The following MAF variants were observed in gnomAD, a reference collection of about 807,000 sequenced individuals.
MAF encodes the protein transcription factor Maf.
Under a neutral mutation model 22.0 loss-of-function variants are expected in MAF, and 10 were observed. The ratio of observed to expected loss-of-function variants is 0.45; its 90% CI spans 0.28 to 0.77. The LOEUF is 0.77. MAF is among the 30% of genes least tolerant of loss of function. MAF has a pLI of 0.12. For missense variants in MAF, 544 were observed against 548.4 expected (o/e 0.99, Z 0.08); for synonymous variants, 337 against 255.8 (o/e 1.32, Z -3.03).
chr16:79,477,546 C>T, the MAF span, among the ~76,000 whole-genome samples: 1 of 152,196 alleles, frequency 6.6e-6, no homozygotes, highest in African/African-American at 2.4e-5. Context: ...TACCACATGA[C>T]AAGCATGGTC....
At chr16:79,390,842 T>G in the MAF span, among the ~76,000 whole-genome samples, 47 of 152,210 alleles carry the variant, frequency 3.1e-4, no homozygotes, top group Admixed American at 7.2e-4. Context: ...GTGGGGTCTT[T>G]TCTGCTAGGA....
the MAF span, among the ~76,000 whole-genome samples, chr16:79,229,756 T>A: frequency 6.6e-6 from 1 of 151,996 alleles, no homozygotes; most frequent in Non-Finnish European, 1.5e-5. Flanking sequence ...ACTTTGTACC[T>A]CCGGGATTCC....
At chr16:79,397,918 A>G in the MAF span, among the ~76,000 whole-genome samples, 2 of 152,228 alleles carry the variant, frequency 1.3e-5, no homozygotes, top group Admixed American at 6.5e-5. Flanking sequence ...AGAAAGATGT[A>G]TCATTTTTCT....
chr16:79,255,728 C>T, the MAF span, among the ~76,000 whole-genome samples: 4 of 152,100 alleles, frequency 2.6e-5, no homozygotes, highest in Non-Finnish European at 2.9e-5. Flanking sequence ...CAGAGGTGGA[C>T]GCTCAGCTCA....
the MAF span, among the ~76,000 whole-genome samples, chr16:79,460,181 A>G: frequency 1.3e-5 from 2 of 152,150 alleles, no homozygotes; most frequent in East Asian, 1.9e-4. Flanking sequence ...TTTTGTTTAT[A>G]TGCCTTTTAC....
chr16:79,430,315 G>GGCT, the MAF span, among the ~76,000 whole-genome samples: 5 of 152,252 alleles, frequency 3.3e-5, no homozygotes, highest in East Asian at 9.6e-4. Flanking sequence ...CTCAGGGCAG[G>GGCT]GCTGCGTCTG....
the MAF span, among the ~76,000 whole-genome samples, chr16:79,229,607 G>A: frequency 3.3e-5 from 5 of 152,074 alleles, no homozygotes; most frequent in Non-Finnish European, 5.9e-5. Flanking sequence ...CCATCCATCT[G>A]TGGACAGGGG....
the MAF span, among the ~76,000 whole-genome samples, chr16:79,257,800 A>T: frequency 2.4e-3 from 363 of 152,300 alleles, no homozygotes; most frequent in African/African-American, 8.4e-3. Flanking sequence ...GACATGAGAA[A>T]ATGTTGCTGT....
At chr16:79,374,644 G>T in the MAF span, among the ~76,000 whole-genome samples, 1 of 152,186 alleles carries the variant, frequency 6.6e-6, no homozygotes. Flanking sequence ...GGCTGCCTGT[G>T]GTCTCCCAGG....
At chr16:79,517,982 A>G in the MAF span, among the ~76,000 whole-genome samples, 2 of 152,232 alleles carry the variant, frequency 1.3e-5, no homozygotes, top group African/African-American at 4.8e-5. Flanking sequence ...TTTTGTCTGG[A>G]AACTCAACAG....
chr16:79,233,471 C>T, the MAF span, among the ~76,000 whole-genome samples: 13 of 151,964 alleles, frequency 8.6e-5, no homozygotes, highest in African/African-American at 3.1e-4. Flanking sequence ...TCTCCCAGAG[C>T]TATGCAACTG....
the MAF span, among the ~76,000 whole-genome samples, chr16:79,251,428 G>T: frequency 6.7e-6 from 1 of 148,576 alleles, no homozygotes; most frequent in Admixed American, 6.8e-5. Flanking sequence ...CAATTCTCCT[G>T]CGTCAGCCTC....
the MAF span, among the ~76,000 whole-genome samples, chr16:79,244,201 G>A: frequency 1.6e-4 from 24 of 152,088 alleles, no homozygotes; most frequent in Non-Finnish European, 3.1e-4. Flanking sequence ...ACACAGTATC[G>A]GAAGTTCTGG....
the MAF span, among the ~76,000 whole-genome samples, chr16:79,476,185 G>C: frequency 6.6e-6 from 1 of 152,080 alleles, no homozygotes; most frequent in Non-Finnish European, 1.5e-5. Context: ...CAATAACCAC[G>C]TGAGCTTAGA....
At chr16:79,590,381 G>T (rs989519979), downstream of MAF, among the ~76,000 whole-genome samples, 6 of 152,202 alleles carry the variant, frequency 3.9e-5, no homozygotes, top group Non-Finnish European at 8.8e-5. Flanking sequence ...ATGCTCCCCG[G>T]ACCCTCTGCA....
chr16:79,239,375 C>T, the MAF span, among the ~76,000 whole-genome samples: 18 of 151,954 alleles, frequency 1.2e-4, 1 homozygote, highest in Non-Finnish European at 2.6e-4. Flanking sequence ...CTGGTAAAGT[C>T]CCGGGCAAGT....
the MAF span, among the ~76,000 whole-genome samples, chr16:79,349,581 C>T: frequency 1.3e-4 from 20 of 152,300 alleles, no homozygotes; most frequent in East Asian, 1.9e-4. Context: ...CAGGAACATA[C>T]GGCCTGCCTC....
chr16:79,253,636 C>T, the MAF span, among the ~76,000 whole-genome samples: 2 of 152,004 alleles, frequency 1.3e-5, no homozygotes, highest in Non-Finnish European at 2.9e-5. Flanking sequence ...TTTTCTACTC[C>T]TTTCTTCATC....
the MAF span, among the ~76,000 whole-genome samples, chr16:79,310,383 AAG>A: frequency 1.3e-5 from 2 of 151,904 alleles, no homozygotes; most frequent in Non-Finnish European, 2.9e-5. Flanking sequence ...GACAGAGAGT[AAG>A]AGAGAGAGAG....
Sources: gnomAD v4.1 joint callset for allele counts (sites outside exome capture counted in the v4.1 genomes callset) on GRCh38, gnomAD v4.1.1 for gene constraint, MANE v1.5 for transcripts, NCBI Gene and HGNC (gene_info 2026-07-23, HGNC 2026-07-21) for gene names.